PCMTD2: variants seen among roughly 807,000 people sequenced by gnomAD.
The protein encoded by PCMTD2 is protein-L-isoaspartate (D-aspartate) O-methyltransferase domain containing 2, also known as protein-L-isoaspartate O-methyltransferase domain-containing protein 2.
In PCMTD2, 16 loss-of-function variants were observed where a neutral mutation model predicts 33.4. The observed-to-expected ratio is 0.48, with a 90% CI of 0.32 to 0.73. The LOEUF (loss-of-function observed/expected upper bound fraction) is 0.73, where lower values mean the gene tolerates loss of function less well. PCMTD2 is among the 30% of genes least tolerant of loss of function. PCMTD2 has a pLI of 0.03. For missense variants in PCMTD2, 374 were observed against 449.9 expected, an observed-to-expected ratio of 0.83 and a Z score of 1.53; for synonymous variants, 161 against 160.8, an observed-to-expected ratio of 1.00 and a Z score of -0.01.
chr20:64,270,040 T>A (rs1249271773), intron 5 of PCMTD2, among the ~76,000 whole-genome samples: 3 of 108,804 alleles, frequency 2.8e-5, no homozygotes, highest in African/African-American at 1.1e-4. Flanking sequence ...TGGGGTTGTG[T>A]GAGTGCATGG....
At chr20:64,272,039 A>G (rs1188670038) in intron 5 of PCMTD2, 1 of 364,662 alleles carries the variant, frequency 2.7e-6, no homozygotes, top group Non-Finnish European at 5.5e-6. Flanking sequence ...AGGACTGAAG[A>G]CAAAGGAAGT....
In PCMTD2 at chr20:64,273,309, C is replaced by G; in HGVS notation, c.795C>G (p.Ser265Arg). Residue 265 changes from serine to arginine, a missense_variant, in exon 6 of 6, where the codon AGC (serine) becomes AGG (arginine). Transcript: ENST00000308824. ...AGATTATTCATCAGGAAACTGTGAG[C>G]AAAAACGGAAACGGACTAAAGAACA... ...IKKIIHQETV[S>R]KNGNGLKNTP... 6.2e-7 allele frequency: 1 copy of G among 1,614,056 alleles called. No individual in the cohort carries two copies. The highest frequency in any genetic ancestry group is 2.2e-5 in the East Asian group (1 of 44,890).
intron 4 of PCMTD2, among the ~76,000 whole-genome samples, chr20:64,266,571 T>TA (rs755338831): frequency 8.5e-4 from 129 of 152,206 alleles, no homozygotes; most frequent in Non-Finnish European, 7.5e-4. Context: ...TTTATTTTTT[T>TA]AGTGATGGGC....
chr20:64,262,095 G>A (rs1317061658), intron 2 of PCMTD2, among the ~76,000 whole-genome samples: 1 of 152,090 alleles, frequency 6.6e-6, no homozygotes, highest in Non-Finnish European at 1.5e-5. Context: ...CCTACCAAAA[G>A]TATAAGAAAG....
At chr20:64,272,817 CTCCAA>C (rs2145769979) in intron 5 of PCMTD2, among the ~76,000 whole-genome samples, 1 of 152,160 alleles carries the variant, frequency 6.6e-6, no homozygotes, top group Non-Finnish European at 1.5e-5. Flanking sequence ...AAGACTCTGT[CTCCAA>C]AAAAAGAATG....
At chr20:64,258,698 G>T (rs532805891) in intron 1 of PCMTD2, 1 of 152,324 alleles carries the variant, frequency 6.6e-6, no homozygotes, top group East Asian at 1.9e-4. Context: ...AGAGGAATGT[G>T]AGGAGGAAAG....
chr20:64,258,444 T>A (rs1263234022), intron 1 of PCMTD2, among the ~76,000 whole-genome samples: 1 of 152,230 alleles, frequency 6.6e-6, no homozygotes, highest in Non-Finnish European at 1.5e-5. Flanking sequence ...AACCTAATAT[T>A]CAGCTCTAAA....
At chr20:64,263,022 G>C (rs530907111) in intron 2 of PCMTD2, 4 of 152,174 alleles carry the variant, frequency 2.6e-5, no homozygotes, top group Admixed American at 2.6e-4. Flanking sequence ...TGTTACTACT[G>C]TTTGGTGTTA....
chr20:64,273,285 G>C lies in PCMTD2; in HGVS notation c.771G>C (p.Lys257Asn), dbSNP rs748873747. 1.2e-6 allele frequency: 2 copies of C among 1,614,130 alleles called. No individual in the cohort carries two copies. Among genetic ancestry groups the C allele is most frequent in the South Asian group, 1.1e-5 (1 of 91,088 alleles). The part of the protein sequence containing the change: ...ARIAIRGTIK[K>N]IIHQETVSKN... The stretch of plus-strand genomic sequence containing the variant: ...TCGCCATCCGGGGCACCATTAAAAA[G>C]ATTATTCATCAGGAAACTGTGAGCA... The change falls in exon 6 of 6, where the codon AAG (lysine) becomes AAC (asparagine). Residue 257 changes from lysine (K) to asparagine (N), a missense_variant. Coordinates refer to ENST00000308824, the MANE Select transcript of PCMTD2 (RefSeq NM_018257.3).
Position 64,273,408 on chromosome 20 carries a change from T to C in PCMTD2, c.894T>C (p.Phe298=), listed in dbSNP as rs916175141. 6.2e-7 allele frequency: 1 copy of C among 1,614,116 alleles called. No individual in the cohort carries two copies. ...ETIVFLDKEV[F]ASRISNPSDD... ...TTGTCTTTTTGGACAAAGAAGTCTT[T>C]GCCAGTCGGATTTCCAACCCCTCAG... Residue 298 remains phenylalanine, a synonymous_variant, in exon 6 of 6, where the codon TTT becomes TTC. Coordinates refer to ENST00000308824, the MANE Select transcript of PCMTD2 (RefSeq NM_018257.3).
At chr20:64,268,758 C>T (rs1412581369) in intron 5 of PCMTD2, among the ~76,000 whole-genome samples, 5 of 151,380 alleles carry the variant, frequency 3.3e-5, no homozygotes, top group Non-Finnish European at 7.4e-5. Flanking sequence ...AAAAGTTTTA[C>T]ATTTTGGCAA....
chr20:64,260,112 TG>T lies in PCMTD2; in HGVS notation c.148del (p.Ala50LeufsTer23), dbSNP rs753494367. On this transcript the variant is annotated frameshift_variant, in exon 2 of 6. Transcript: ENST00000308824. LOFTEE classifies it high-confidence loss of function. ...ATTATCTTGAAGAATTTAAAGAAAA[TG>T]CTTATAAAGACTTGGCATGGAAGCA... ...DYYLEEFKENAYKDLAWKHGN... is the reference protein window; with the variant it reads ...DYYLEEFKENXYKDLAWKHGN... 6.2e-7 allele frequency: 1 copy of T among 1,613,950 alleles called. No homozygotes were observed. Among genetic ancestry groups the T allele is most frequent in the Non-Finnish European group, 8.5e-7 (1 of 1,179,824 alleles).
intron 1 of PCMTD2, among the ~76,000 whole-genome samples, chr20:64,257,460 A>G (rs1405536277): frequency 1.3e-5 from 2 of 152,228 alleles, no homozygotes; most frequent in Non-Finnish European, 2.9e-5. Flanking sequence ...CGTTCTAAAA[A>G]TGATTCTACA....
In PCMTD2 at chr20:64,273,549, C is replaced by T; in HGVS notation, c.1035C>T (p.Leu345=). The change falls in exon 6 of 6, where the codon CTC becomes CTT. Residue 345 remains leucine, a synonymous_variant. Coordinates refer to ENST00000308824, the MANE Select transcript of PCMTD2 (RefSeq NM_018257.3). ...VNFLRQKVLS[L]PLPDPLKYYL... ...TCCTACGCCAGAAGGTCCTGAGCCT[C>T]CCTCTGCCAGATCCCCTGAAATACT... is the stretch of plus-strand genomic sequence containing the variant. The T allele has an allele frequency of 6.5e-7, 1 of 1,541,290 alleles. No individual in the cohort carries two copies. The highest frequency in any genetic ancestry group is 8.7e-7 in the Non-Finnish European group (1 of 1,149,706).
rs1985999346 is a variant in PCMTD2, at chr20:64,273,570, A to G, written c.1056A>G (p.Lys352=). Residue 352 remains lysine (K), a synonymous_variant, in exon 6 of 6, where the codon AAA becomes AAG. Coordinates refer to ENST00000308824, the MANE Select transcript of PCMTD2 (RefSeq NM_018257.3). The part of the protein sequence containing the change: ...VLSLPLPDPL[K]YYLLYYREK The stretch of plus-strand genomic sequence containing the variant: ...GCCTCCCTCTGCCAGATCCCCTGAA[A>G]TACTACTTGCTTTATTACAGAGAAA... The G allele has an allele frequency of 6.5e-7, 1 of 1,528,414 alleles. No individual in the cohort carries two copies. Among genetic ancestry groups the G allele is most frequent in the Non-Finnish European group, 8.8e-7 (1 of 1,142,470 alleles). 94.7% of individuals were successfully genotyped at this position (1,528,414 alleles called of 1,614,324 possible). A position where few individuals can be genotyped will look rare whatever the true frequency, so the allele number is the denominator to read the frequency against.
At chr20:64,268,387 C>T (rs1043114254) in intron 5 of PCMTD2, among the ~76,000 whole-genome samples, 1 of 152,186 alleles carries the variant, frequency 6.6e-6, no homozygotes, top group African/African-American at 2.4e-5. Context: ...GGCTTCTGCT[C>T]CCCAGGGCGC....
At chr20:64,262,011 G>A (rs1985437785) in intron 2 of PCMTD2, among the ~76,000 whole-genome samples, 1 of 152,148 alleles carries the variant, frequency 6.6e-6, no homozygotes. Flanking sequence ...TCAGCACTTT[G>A]GGAGGCCGAG....
chr20:64,265,287 C>T lies in PCMTD2; in HGVS notation c.440C>T (p.Thr147Ile), dbSNP rs1441089464. Residue 147 changes from threonine (T) to isoleucine (I), a missense_variant, in exon 4 of 6, where the codon ACT becomes ATT. Transcript: ENST00000308824. ...KFDFCEPSFVTGNCLEISPDC... is the reference protein window; with the variant it reads ...KFDFCEPSFVIGNCLEISPDC... ...GACTTCTGTGAACCTTCCTTTGTTA[C>T]TGGGAATTGCCTGGAGATTTCTCCG... 1 of 1,603,172 alleles carries T rather than the reference C, an allele frequency of 6.2e-7. No homozygotes were observed. The highest frequency in any genetic ancestry group is 1.3e-5 in the African/African-American group (1 of 74,432).
intron 1 of PCMTD2, 68 bp downstream of exon 1, chr20:64,255,938 GCCCCTTCCCTC>G (rs989209862): frequency 1.3e-5 from 2 of 152,442 alleles, no homozygotes; most frequent in African/African-American, 4.8e-5. Context: ...TGTCCCCTCG[GCCCCTTCCCTC>G]CTCCTTCCCC....
Sources: gnomAD v4.1 joint callset for allele counts (sites outside exome capture counted in the v4.1 genomes callset) on GRCh38, gnomAD v4.1.1 for gene constraint, MANE v1.5 for transcripts, NCBI Gene and HGNC (gene_info 2026-07-23, HGNC 2026-07-21) for gene names.